Variants in GRIN2A observed in about 807,000 individuals in gnomAD.
The protein encoded by GRIN2A is glutamate receptor ionotropic, NMDA 2A.
GRIN2A carries 22 observed loss-of-function variants against 113.4 expected under a neutral mutation model. The ratio of observed to expected loss-of-function variants is 0.19; its 90% confidence interval spans 0.14 to 0.28. The LOEUF (loss-of-function observed/expected upper bound fraction) is 0.28. GRIN2A is among the 10% of genes least tolerant of loss of function. The probability of loss-of-function intolerance (pLI) is 1.00; values close to 1 mark genes in which losing one functional copy is unlikely to be tolerated. For missense variants in GRIN2A, 1,502 were observed against 1,887.0 expected (o/e 0.80, Z 3.78); for synonymous variants, 827 against 738.4 (o/e 1.12, Z -1.94).
At position 10,144,845 on chromosome 16, in the gene GRIN2A, C is replaced by T. The variant is rs193011175; in HGVS notation, c.414+35153G>A. Among the ~76,000 whole-genome samples, 323 of 139,518 alleles carry T rather than the reference C, an allele frequency of 2.3e-3. 1 individual carries two copies. The highest frequency in any genetic ancestry group is 8.0e-3 in the African/African-American group (303 of 37,644). The allele number at this position is 139,518 out of a possible 152,430, so 91.5% of individuals were successfully genotyped here. A position where few individuals can be genotyped will look rare whatever the true frequency, so the allele number is the denominator to read the frequency against. On this transcript the variant is annotated intron_variant, in intron 2 of 12. Coordinates refer to ENST00000330684, the MANE Select transcript of GRIN2A (RefSeq NM_001134407.3). ...CTGAGGTGGGAGAATTGCTTGTACC[C>T]AGGAGGCGGAGACTGCAGTGAGCTG...
At chr16:9,765,544 A>G (rs1269772464) in intron 12 of GRIN2A, among the ~76,000 whole-genome samples, 2 of 152,216 alleles carry the variant, frequency 1.3e-5, no homozygotes, top group Admixed American at 6.5e-5. Flanking sequence ...TGTGAGGCTC[A>G]TCATACTCTT....
At chr16:10,167,065 G>A (rs1385090391) in intron 2 of GRIN2A, among the ~76,000 whole-genome samples, 1 of 152,138 alleles carries the variant, frequency 6.6e-6, no homozygotes, top group African/African-American at 2.4e-5. Context: ...GTTATACATG[G>A]ATTTTAAACT....
chr16:10,162,660 C>T (rs1294388689), intron 2 of GRIN2A, among the ~76,000 whole-genome samples: 2 of 152,080 alleles, frequency 1.3e-5, no homozygotes, highest in Non-Finnish European at 1.5e-5. Flanking sequence ...ACCTATATGC[C>T]CTCATTTTAC....
intron 5 of GRIN2A, among the ~76,000 whole-genome samples, chr16:9,841,368 A>G (rs2042676250): frequency 6.6e-6 from 1 of 152,224 alleles, no homozygotes; most frequent in Non-Finnish European, 1.5e-5. Flanking sequence ...TAATTGTTGA[A>G]TTAATCTTCA....
At chr16:10,047,317 T>C (rs1287255138) in intron 2 of GRIN2A, among the ~76,000 whole-genome samples, 2 of 152,234 alleles carry the variant, frequency 1.3e-5, no homozygotes, top group Non-Finnish European at 2.9e-5. Flanking sequence ...GATCTCAGTT[T>C]CTTCATCCAG....
chr16:10,026,874 CCT>C (rs577965730), intron 2 of GRIN2A, among the ~76,000 whole-genome samples: 2 of 152,164 alleles, frequency 1.3e-5, no homozygotes, highest in Non-Finnish European at 2.9e-5. Flanking sequence ...CTTCCAGTCC[CCT>C]CTCTTTCTCA....
At chr16:10,093,566 A>C (rs2048226786) in intron 2 of GRIN2A, among the ~76,000 whole-genome samples, 1 of 151,958 alleles carries the variant, frequency 6.6e-6, no homozygotes, top group Non-Finnish European at 1.5e-5. Context: ...TCAGCCTTAT[A>C]TTTAAGAGCT....
chr16:10,138,939 A>G (rs1186512076), intron 2 of GRIN2A, among the ~76,000 whole-genome samples: 4 of 152,214 alleles, frequency 2.6e-5, no homozygotes, highest in Non-Finnish European at 5.9e-5. Context: ...AGGTCTGAGT[A>G]CCTAGATTTC....
intron 3 of GRIN2A, among the ~76,000 whole-genome samples, chr16:9,935,074 A>T (rs2044682021): frequency 6.6e-6 from 1 of 152,258 alleles, no homozygotes; most frequent in South Asian, 2.1e-4. Context: ...AAAAAAGCAT[A>T]GAATCCAGGG....
intron 3 of GRIN2A, among the ~76,000 whole-genome samples, chr16:9,899,300 C>G (rs562584325): frequency 6.6e-6 from 1 of 151,744 alleles, no homozygotes; most frequent in East Asian, 1.9e-4. Context: ...ATTAGCCAAG[C>G]GTAGTGGCAG....
intron 2 of GRIN2A, among the ~76,000 whole-genome samples, chr16:10,092,342 A>T (rs1184309714): frequency 6.6e-6 from 1 of 152,216 alleles, no homozygotes; most frequent in Non-Finnish European, 1.5e-5. Flanking sequence ...TTATAAATTA[A>T]CATTTCAGCA....
At chr16:9,928,192 A>G (rs1472591190) in intron 3 of GRIN2A, among the ~76,000 whole-genome samples, 1 of 152,222 alleles carries the variant, frequency 6.6e-6, no homozygotes, top group Non-Finnish European at 1.5e-5. Flanking sequence ...GGCAGGCAGC[A>G]TCCACATGGA....
In GRIN2A at chr16:9,759,242, C is replaced by A; in HGVS notation, c.*3907G>T. The A allele has an allele frequency of 9.1e-6, 2 of 220,018 alleles. 1 individual carries two copies. The highest frequency in any genetic ancestry group is 1.8e-5 in the Non-Finnish European group (2 of 109,858). 13.6% of individuals were successfully genotyped at this position (220,018 alleles called of 1,614,324 possible). A position where few individuals can be genotyped will look rare whatever the true frequency, so the allele number is the denominator to read the frequency against. ...ATATGACAACTGATTATTAAAGCTG[C>A]ACTTTTTAGATTTAAAGGAGATAAA... On this transcript the variant is annotated 3_prime_UTR_variant, in exon 13 of 13. Coordinates refer to ENST00000330684, the MANE Select transcript of GRIN2A (RefSeq NM_001134407.3).
At chr16:9,802,088 G>A (rs1346889507) in intron 10 of GRIN2A, among the ~76,000 whole-genome samples, 3 of 152,216 alleles carry the variant, frequency 2.0e-5, no homozygotes, top group East Asian at 3.9e-4. Context: ...GCAAGGTTGT[G>A]AAGAAAAAGA....
At chr16:10,096,214 C>T (rs2048286306) in intron 2 of GRIN2A, among the ~76,000 whole-genome samples, 2 of 152,040 alleles carry the variant, frequency 1.3e-5, no homozygotes, top group Non-Finnish European at 2.9e-5. Context: ...TTCTAATGTG[C>T]CTCCTAGGTT....
At chr16:10,181,118 G>A (rs146215720) in intron 1 of GRIN2A, among the ~76,000 whole-genome samples, 64 of 122,372 alleles carry the variant, frequency 5.2e-4, no homozygotes, top group African/African-American at 1.9e-3. Context: ...CTGTGCCTGG[G>A]GAACTTGGGG....
At chr16:10,047,178 T>G (rs376148023) in intron 2 of GRIN2A, among the ~76,000 whole-genome samples, 46 of 152,246 alleles carry the variant, frequency 3.0e-4, no homozygotes, top group African/African-American at 1.1e-3. Context: ...ATTTGTTTCC[T>G]GCCCTCAAGT....
At chr16:9,989,388 C>A (rs537238775) in intron 2 of GRIN2A, among the ~76,000 whole-genome samples, 400 of 151,382 alleles carry the variant, frequency 2.6e-3, no homozygotes, top group Non-Finnish European at 4.9e-3. Flanking sequence ...CAAAAATTAA[C>A]CCAAGATGGA....
chr16:9,955,898 T>C (rs1596360163), intron 2 of GRIN2A, among the ~76,000 whole-genome samples: 1 of 152,324 alleles, frequency 6.6e-6, no homozygotes, highest in Middle Eastern at 3.4e-3. Flanking sequence ...CATCAGGCTG[T>C]ATCACCTTTG....
Sources: allele counts gnomAD v4.1 joint callset (sites outside exome capture counted in the v4.1 genomes callset), GRCh38; gene constraint gnomAD v4.1.1; transcripts MANE v1.5; gene names NCBI Gene and HGNC (gene_info 2026-07-23, HGNC 2026-07-21).